DNAAF5: variants seen among roughly 807,000 people sequenced by gnomAD.
The protein encoded by DNAAF5 is HEAT repeat containing 2.
DNAAF5 carries 64 observed loss-of-function variants against 75.8 expected under a neutral mutation model. The ratio of observed to expected loss-of-function variants is 0.84; its 90% CI spans 0.69 to 1.04. The LOEUF is 1.04. DNAAF5 is among the 50% of genes least tolerant of loss of function. The pLI is 0.00. For missense variants in DNAAF5, 1,269 were observed against 1,178.5 expected (o/e 1.08, Z -1.12); for synonymous variants, 657 against 557.2 (o/e 1.18, Z -2.52).
intron 4 of DNAAF5, among the ~76,000 whole-genome samples, chr7:744,801 C>G (rs1329048863): frequency 6.6e-6 from 1 of 152,104 alleles, no homozygotes; most frequent in Non-Finnish European, 1.5e-5. Context: ...CAGGGTTTCG[C>G]CATGTTGGTC....
rs1378546966 is a variant in DNAAF5 at position 774,936 on chromosome 7, CG to C, written c.2083-68del. The C allele has an allele frequency of 2.1e-6, 3 of 1,418,364 alleles. No homozygotes were observed. In the East Asian group the frequency reaches 6.8e-5, roughly 32 times the overall value. The allele number at this position is 1,418,364 out of a possible 1,614,324, so 87.9% of individuals were successfully genotyped here. A position where few individuals can be genotyped will look rare whatever the true frequency, so the allele number is the denominator to read the frequency against. The stretch of plus-strand genomic sequence containing the variant: ...CTAAGTCCTTCCAGGCAGGAGTGCA[CG>C]GATGGTGAGCACCCCCACCCCACCC... On this transcript the variant is annotated intron_variant, in intron 10 of 12. Transcript: ENST00000297440.
chr7:746,859 C>T (rs545403240), intron 4 of DNAAF5, among the ~76,000 whole-genome samples: 37 of 152,358 alleles, frequency 2.4e-4, no homozygotes, highest in East Asian at 5.8e-4. Flanking sequence ...CTGTGGGCTG[C>T]GTCCTGTGTG....
chr7:773,027 GGCCC>G (rs1014183152), intron 9 of DNAAF5: 7 of 151,852 alleles, frequency 4.6e-5, no homozygotes, highest in African/African-American at 1.7e-4. Context: ...TGGCACGCCT[GGCCC>G]ACACTTGGAC....
At chr7:755,460 A>G (rs1782452411) in intron 5 of DNAAF5, among the ~76,000 whole-genome samples, 1 of 152,244 alleles carries the variant, frequency 6.6e-6, no homozygotes, top group South Asian at 2.1e-4. Context: ...CCTAGTGCTC[A>G]GGAGAACAAC....
intron 5 of DNAAF5, 138 bp from the exon 6 acceptor site, chr7:756,644 G>C (rs992246718): frequency 1.3e-6 from 1 of 742,952 alleles, no homozygotes; most frequent in African/African-American, 1.7e-5. Context: ...CTCTGAGCAT[G>C]TGCCAAGGAC....
chr7:774,550 G>GA lies in DNAAF5; in HGVS notation c.2082+352_2082+353insA, dbSNP rs375846634. Reference sequence around the variant, plus strand: ...AGGATCCAGGCCAGAGGACGGGCCTGGGCTTTCCGCATCGTTTCTATGAAC... The same window carrying GA: ...AGGATCCAGGCCAGAGGACGGGCCTGAGGCTTTCCGCATCGTTTCTATGAAC... On this transcript the variant is annotated intron_variant, in intron 10 of 12. Transcript: ENST00000297440. 3.8e-3 allele frequency among the ~76,000 whole-genome samples: 405 copies of GA among 106,844 alleles called. 1 individual carries two copies. Among genetic ancestry groups the GA allele is most frequent in the Non-Finnish European group, 5.2e-3 (247 of 47,276 alleles). 70.1% of individuals were successfully genotyped at this position (106,844 alleles called of 152,430 possible).
chr7:745,798 A>G (rs1483963884), intron 4 of DNAAF5, among the ~76,000 whole-genome samples: 1 of 152,258 alleles, frequency 6.6e-6, no homozygotes, highest in Non-Finnish European at 1.5e-5. Flanking sequence ...CCCTGCTAGT[A>G]GGTTCCCGGA....
intron 2 of DNAAF5, among the ~76,000 whole-genome samples, chr7:738,667 G>A (rs1257447257): frequency 1.3e-5 from 2 of 152,268 alleles, no homozygotes; most frequent in East Asian, 3.9e-4. Context: ...TAAAAGAAAA[G>A]GGATAATTCG....
In DNAAF5 at chr7:779,954, ACT is replaced by A. The variant is rs781452364; in HGVS notation, c.2244_2245del (p.Leu749LysfsTer5). On this transcript the variant is annotated frameshift_variant and splice_region_variant, in exon 12 of 13. Transcript: ENST00000297440. LOFTEE classifies it high-confidence loss of function. ...ACCTGTCTCGCTCCCTCCTTCCAGAACTCTTAAAACGCCTAGATGACGTGTCC... is the reference window on the plus strand; with the variant it reads ...ACCTGTCTCGCTCCCTCCTTCCAGAACTTAAAACGCCTAGATGACGTGTCC... Reference protein sequence around the residue: ...PEKLIRIYPELLKRLDDVSND... With the variant: ...PEKLIRIYPEXLKRLDDVSND... The A allele has an allele frequency of 6.2e-7, 1 of 1,613,760 alleles. No individual in the cohort carries two copies. The highest frequency in any genetic ancestry group is 1.1e-5 in the South Asian group (1 of 91,046).
chr7:761,094 G>C (rs1164107863), intron 6 of DNAAF5, among the ~76,000 whole-genome samples: 1 of 152,238 alleles, frequency 6.6e-6, no homozygotes, highest in Non-Finnish European at 1.5e-5. Flanking sequence ...CAGGTGCCGT[G>C]TGCATCACTA....
chr7:745,292 AG>A (rs1243164707), intron 4 of DNAAF5, among the ~76,000 whole-genome samples: 1 of 152,224 alleles, frequency 6.6e-6, no homozygotes, highest in Non-Finnish European at 1.5e-5. Flanking sequence ...GCAGTCCCCA[AG>A]ACCCAGGAGG....
Position 740,892 on chromosome 7 carries a change from A to G in DNAAF5, c.854A>G (p.Lys285Arg), listed in dbSNP as rs746999651. Reference protein sequence around the residue: ...CLRDRYSFFHKLIPLLLSSLN... With the variant: ...CLRDRYSFFHRLIPLLLSSLN... ...CGTGACCGTTACTCCTTCTTCCACA[A>G]GCTCATCCCTCTGCTGCTCAGTAGC... The change falls in exon 3 of 13, where the codon AAG becomes AGG. Residue 285 changes from lysine to arginine, a missense_variant. Coordinates refer to ENST00000297440, the MANE Select transcript of DNAAF5 (RefSeq NM_017802.4). The G allele has an allele frequency of 6.2e-7, 1 of 1,613,912 alleles. No individual in the cohort carries two copies. The highest frequency in any genetic ancestry group is 1.3e-5 in the African/African-American group (1 of 75,010).
At chr7:737,483 T>G (rs575573980) in intron 2 of DNAAF5, among the ~76,000 whole-genome samples, 1 of 152,224 alleles carries the variant, frequency 6.6e-6, no homozygotes, top group South Asian at 2.1e-4. Flanking sequence ...GTTACAACAT[T>G]GTGTTGTTCT....
At chr7:779,919 A>G in intron 11 of DNAAF5, 34 bp from the exon 12 acceptor site, 2 of 1,587,082 alleles carry the variant, frequency 1.3e-6, no homozygotes, top group Non-Finnish European at 1.7e-6. Flanking sequence ...TGTCTGCTCT[A>G]GACTCACACA....
intron 9 of DNAAF5, chr7:772,995 G>A (rs937039925): frequency 9.3e-5 from 14 of 150,984 alleles, no homozygotes; most frequent in African/African-American, 3.4e-4. Context: ...AAAAACCTAA[G>A]CACTCCTAGG....
chr7:740,948 G>C lies in DNAAF5; in HGVS notation c.905+5G>C. On this transcript the variant is annotated splice_donor_5th_base_variant and intron_variant, in intron 3 of 12. Coordinates refer to ENST00000297440, the MANE Select transcript of DNAAF5 (RefSeq NM_017802.4). ...CGACGAGGTGCCTGAGGTCAGGTACGTGGGCAGGCGGCCGCGGGCCTTGTC... is the reference window on the plus strand; with the variant it reads ...CGACGAGGTGCCTGAGGTCAGGTACCTGGGCAGGCGGCCGCGGGCCTTGTC... The C allele has an allele frequency of 6.2e-7, 1 of 1,612,290 alleles. No homozygotes were observed. Among genetic ancestry groups the C allele is most frequent in the Non-Finnish European group, 8.5e-7 (1 of 1,179,990 alleles).
At chr7:774,760 A>G (rs569187673) in intron 10 of DNAAF5, among the ~76,000 whole-genome samples, 1 of 152,322 alleles carries the variant, frequency 6.6e-6, no homozygotes, top group South Asian at 2.1e-4. Context: ...CAGGCGAGCC[A>G]TTACCCTGGT....
rs1779141460 is a variant in DNAAF5, at chr7:786,254, C to T, written c.*601C>T. 1 of 152,318 alleles carries T rather than the reference C, an allele frequency of 6.6e-6. No homozygotes were observed. Among genetic ancestry groups the T allele is most frequent in the Non-Finnish European group, 1.5e-5 (1 of 68,154 alleles). 9.4% of individuals were successfully genotyped at this position (152,318 alleles called of 1,614,324 possible). On this transcript the variant is annotated 3_prime_UTR_variant, in exon 13 of 13. Transcript: ENST00000297440. ...GCTAACAGTGTTGAAAACAATATTTCATGAGATCTAATTGTGGTTGCCCCT... is the reference window on the plus strand; with the variant it reads ...GCTAACAGTGTTGAAAACAATATTTTATGAGATCTAATTGTGGTTGCCCCT...
At chr7:728,451 A>T (rs1047650648) in intron 1 of DNAAF5, among the ~76,000 whole-genome samples, 4 of 152,212 alleles carry the variant, frequency 2.6e-5, no homozygotes, top group Non-Finnish European at 5.9e-5. Flanking sequence ...CGTGGAGAAT[A>T]GATTCCAGAA....
Sources: allele counts gnomAD v4.1 joint callset (sites outside exome capture counted in the v4.1 genomes callset), GRCh38; gene constraint gnomAD v4.1.1; transcripts MANE v1.5; gene names NCBI Gene and HGNC (gene_info 2026-07-23, HGNC 2026-07-21).